The following PTPRR variants were observed in gnomAD, a reference collection of about 807,000 sequenced individuals.
PTPRR encodes the protein protein tyrosine phosphatase receptor type R.
Under a neutral mutation model 77.2 loss-of-function variants are expected in PTPRR, and 38 were observed. The observed-to-expected ratio is 0.49, with a 90% CI of 0.38 to 0.65. The LOEUF (loss-of-function observed/expected upper bound fraction) is 0.65, where lower values mean the gene tolerates loss of function less well. PTPRR is among the 30% of genes least tolerant of loss of function. The probability of loss-of-function intolerance (pLI) is 0.00; values close to 1 mark genes in which losing one functional copy is unlikely to be tolerated. For synonymous variants in PTPRR, 299 were observed against 283.1 expected (o/e 1.06, Z -0.57); for missense variants, 744 against 799.2 (o/e 0.93, Z 0.83).
At chr12:70,741,982 A>G (rs1455593041) in intron 6 of PTPRR, among the ~76,000 whole-genome samples, 1 of 152,200 alleles carries the variant, frequency 6.6e-6, no homozygotes, top group Non-Finnish European at 1.5e-5. Context: ...TTTGGATACA[A>G]CTGAAAAAGA....
chr12:70,677,774 G>A (rs1166898383), intron 10 of PTPRR, among the ~76,000 whole-genome samples: 2 of 152,196 alleles, frequency 1.3e-5, no homozygotes, highest in Non-Finnish European at 2.9e-5. Flanking sequence ...CATAGCGGAT[G>A]ATGTTTTTAA....
intron 2 of PTPRR, among the ~76,000 whole-genome samples, chr12:70,876,643 A>G (rs963241461): frequency 6.6e-6 from 1 of 152,212 alleles, no homozygotes; most frequent in African/African-American, 2.4e-5. Flanking sequence ...GTAAGCTTCA[A>G]TTACCTAGAG....
chr12:70,788,973 G>A (rs1450857390), intron 2 of PTPRR: 2 of 1,182,574 alleles, frequency 1.7e-6, no homozygotes, highest in East Asian at 2.9e-5. Flanking sequence ...GTAACCGCCT[G>A]GTACTGTTTC....
intron 2 of PTPRR, among the ~76,000 whole-genome samples, chr12:70,787,421 G>A (rs547053050): frequency 1.3e-5 from 2 of 152,176 alleles, no homozygotes; most frequent in Non-Finnish European, 2.9e-5. Context: ...GAGTATGAAT[G>A]CTGTAGGGCA....
chr12:70,750,690 G>A (rs1168066838), intron 5 of PTPRR, among the ~76,000 whole-genome samples: 4 of 152,026 alleles, frequency 2.6e-5, no homozygotes, highest in Non-Finnish European at 5.9e-5. Context: ...TGAACTTCCC[G>A]TCTGTGTGCT....
At chr12:70,895,216 TA>T (rs1365176374) in intron 1 of PTPRR, among the ~76,000 whole-genome samples, 5 of 151,262 alleles carry the variant, frequency 3.3e-5, no homozygotes, top group Non-Finnish European at 7.4e-5. Context: ...AAATAGTAAA[TA>T]AAAAGAAAAA....
At chr12:70,662,819 A>G (rs1309936076) in intron 10 of PTPRR, among the ~76,000 whole-genome samples, 1 of 152,080 alleles carries the variant, frequency 6.6e-6, no homozygotes, top group Non-Finnish European at 1.5e-5. Flanking sequence ...AGTTTTTTTT[A>G]AAGTATCAGT....
intron 2 of PTPRR, among the ~76,000 whole-genome samples, chr12:70,863,814 A>G (rs1892794512): frequency 6.6e-6 from 1 of 152,138 alleles, no homozygotes; most frequent in African/African-American, 2.4e-5. Context: ...TTGAATCTCC[A>G]TTCTGTTCAG....
intron 2 of PTPRR, among the ~76,000 whole-genome samples, chr12:70,770,345 C>T (rs1325150003): frequency 6.6e-6 from 1 of 152,014 alleles, no homozygotes; most frequent in East Asian, 1.9e-4. Context: ...AAAAAGTGGG[C>T]AAAGGATATG....
At chr12:70,811,008 G>C (rs1046633851) in intron 2 of PTPRR, among the ~76,000 whole-genome samples, 2 of 152,150 alleles carry the variant, frequency 1.3e-5, no homozygotes, top group African/African-American at 4.8e-5. Flanking sequence ...CAAAAAGTCA[G>C]TGTGCCCTTA....
intron 2 of PTPRR, among the ~76,000 whole-genome samples, chr12:70,841,992 A>G (rs1425591617): frequency 6.6e-6 from 1 of 152,188 alleles, no homozygotes; most frequent in African/African-American, 2.4e-5. Context: ...ATATCTTCAA[A>G]TTTAATTTTA....
At chr12:70,678,330 A>G (rs568828199) in intron 10 of PTPRR, among the ~76,000 whole-genome samples, 2 of 152,114 alleles carry the variant, frequency 1.3e-5, no homozygotes, top group Non-Finnish European at 2.9e-5. Context: ...CGTGAGCCAC[A>G]GCACCCGGCC....
chr12:70,745,086 A>C (rs1423223701), intron 6 of PTPRR, among the ~76,000 whole-genome samples: 1 of 152,080 alleles, frequency 6.6e-6, no homozygotes, highest in Non-Finnish European at 1.5e-5. Context: ...TTTTCTTTAG[A>C]TAGAGTTTCA....
At chr12:70,812,299 A>AT (rs1179699149) in intron 2 of PTPRR, among the ~76,000 whole-genome samples, 1 of 152,230 alleles carries the variant, frequency 6.6e-6, no homozygotes, top group African/African-American at 2.4e-5. Flanking sequence ...TGCATGAATC[A>AT]TTAACATGGG....
At chr12:70,720,673 A>G (rs1256313908) in intron 6 of PTPRR, among the ~76,000 whole-genome samples, 5 of 151,934 alleles carry the variant, frequency 3.3e-5, no homozygotes, top group Non-Finnish European at 2.9e-5. Context: ...TAGTAGAGAC[A>G]GGGTTTCTCC....
chr12:70,720,594 C>T lies in PTPRR; in HGVS notation c.1008-19271G>A, dbSNP rs546034619. Among the ~76,000 whole-genome samples the T allele has an allele frequency of 2.1e-3, 323 of 151,612 alleles. 1 individual carries two copies. The highest frequency in any genetic ancestry group is 4.1e-3 in the Admixed American group (63 of 15,244). On this transcript the variant is annotated intron_variant, in intron 6 of 13. Coordinates refer to ENST00000283228, the MANE Select transcript of PTPRR (RefSeq NM_002849.4). Reference sequence around the variant, plus strand: ...TTGCATGACCTCAGCTCACTGCAACCTCCAACTCCCGGGTTCAAGCGATTC... The same window carrying T: ...TTGCATGACCTCAGCTCACTGCAACTTCCAACTCCCGGGTTCAAGCGATTC...
chr12:70,795,797 C>T (rs1032604819), intron 2 of PTPRR, among the ~76,000 whole-genome samples: 6 of 151,102 alleles, frequency 4.0e-5, no homozygotes, highest in African/African-American at 7.3e-5. Context: ...GCATACTTTA[C>T]GGTGTTGATT....
chr12:70,685,387 G>A (rs1887825006), intron 8 of PTPRR, among the ~76,000 whole-genome samples: 3 of 142,084 alleles, frequency 2.1e-5, no homozygotes, highest in Non-Finnish European at 3.0e-5. Context: ...GGCTTACACT[G>A]TAATCTCAGC....
intron 4 of PTPRR, 120 bp from the exon 5 acceptor site, chr12:70,754,421 C>G: frequency 6.4e-7 from 1 of 1,562,500 alleles, no homozygotes; most frequent in Non-Finnish European, 8.6e-7. Flanking sequence ...CACACCTACA[C>G]CCCCCGCTGC....
Sources: allele counts gnomAD v4.1 joint callset (sites outside exome capture counted in the v4.1 genomes callset), GRCh38; gene constraint gnomAD v4.1.1; transcripts MANE v1.5; gene names NCBI Gene and HGNC (gene_info 2026-07-23, HGNC 2026-07-21).